Variants in NECAB2 observed in about 807,000 individuals in gnomAD.
The protein encoded by NECAB2 is N-terminal EF-hand calcium binding protein 2.
A neutral mutation model predicts 51.9 loss-of-function variants in NECAB2; 68 were observed. The observed-to-expected ratio is 1.31, with a 90% CI of 1.08 to 1.60. NECAB2 has a LOEUF of 1.60. NECAB2 is among the 40% of genes most tolerant of loss of function. NECAB2 has a pLI of 0.00. For synonymous variants in NECAB2, 329 were observed against 203.5 expected (o/e 1.62, Z -5.25); for missense variants, 854 against 490.3 (o/e 1.74, Z -7.00).
intron 5 of NECAB2, among the ~76,000 whole-genome samples, chr16:83,984,619 T>C (rs1483621056): frequency 6.6e-6 from 1 of 152,022 alleles, no homozygotes; most frequent in Non-Finnish European, 1.5e-5. Context: ...AGTTCCCACC[T>C]TCTTGGGAGG....
intron 3 of NECAB2, among the ~76,000 whole-genome samples, chr16:83,979,531 C>G (rs7191694): frequency 0.29 from 43,332 of 151,918 alleles, 11,058 homozygotes; most frequent in African/African-American, 0.69. Flanking sequence ...GCTTCAGGCT[C>G]CAGACTGCAG....
chr16:83,995,797 C>A (rs979603218), intron 8 of NECAB2, among the ~76,000 whole-genome samples: 2 of 152,218 alleles, frequency 1.3e-5, no homozygotes, highest in Non-Finnish European at 2.9e-5. Context: ...GCTCAAACTT[C>A]CCCTCCTGCA....
chr16:83,985,635 GAAA>G (rs879357467), intron 5 of NECAB2, among the ~76,000 whole-genome samples: 3 of 125,790 alleles, frequency 2.4e-5, no homozygotes, highest in Admixed American at 8.1e-5. Context: ...CTCCATCTCA[GAAA>G]AAAAAAAAAA....
intron 5 of NECAB2, among the ~76,000 whole-genome samples, chr16:83,983,305 G>A (rs766159014): frequency 6.6e-6 from 1 of 152,162 alleles, no homozygotes; most frequent in African/African-American, 2.4e-5. Flanking sequence ...CGTTGTCTCT[G>A]CATTCTAACA....
chr16:83,996,934 G>A (rs868536240), intron 8 of NECAB2, among the ~76,000 whole-genome samples: 7 of 152,224 alleles, frequency 4.6e-5, no homozygotes, highest in Middle Eastern at 3.4e-3. Flanking sequence ...GGGAATCTAA[G>A]GGCTGTTGCT....
At chr16:83,984,956 G>C (rs2084534269) in intron 5 of NECAB2, among the ~76,000 whole-genome samples, 2 of 151,850 alleles carry the variant, frequency 1.3e-5, no homozygotes, top group Non-Finnish European at 2.9e-5. Flanking sequence ...TGTTGTTTTT[G>C]CTGTTCTTTT....
chr16:83,988,464 C>T (rs1470902075), intron 5 of NECAB2, among the ~76,000 whole-genome samples: 1 of 152,052 alleles, frequency 6.6e-6, no homozygotes, highest in Non-Finnish European at 1.5e-5. Flanking sequence ...AGATTTTAGG[C>T]TTTTTTCCCC....
At position 83,998,317 on chromosome 16, in the gene NECAB2, A is replaced by T. The variant is rs139432427; in HGVS notation, c.962A>T (p.His321Leu). 2.6e-4 allele frequency: 422 copies of T among 1,613,256 alleles called. 1 individual carries two copies. The African/African-American group carries it at 5.2e-3, about 20-fold the overall frequency. ...RGTTGVRNCF[H>L]ITAVRLSDGF... ...ACCACTGGCGTGAGGAACTGCTTCC[A>T]GTGAGTGAGCTGCCGAGGCGTGGGT... Residue 321 changes from histidine to leucine, a missense_variant and splice_region_variant, in exon 10 of 13, where the codon CAC becomes CTC. Coordinates refer to ENST00000305202, the MANE Select transcript of NECAB2 (RefSeq NM_019065.3).
At chr16:84,000,135 A>G (rs1317589365) in intron 10 of NECAB2, among the ~76,000 whole-genome samples, 1 of 151,662 alleles carries the variant, frequency 6.6e-6, no homozygotes, top group Non-Finnish European at 1.5e-5. Flanking sequence ...CACGTAATCC[A>G]CCTGCCTCGA....
intron 5 of NECAB2, among the ~76,000 whole-genome samples, chr16:83,989,448 T>G (rs1267667674): frequency 6.6e-6 from 1 of 152,210 alleles, no homozygotes; most frequent in Non-Finnish European, 1.5e-5. Context: ...TATTGCTAAT[T>G]AATTCCCAGT....
At chr16:83,994,058 C>A (rs1041873551) in intron 6 of NECAB2, among the ~76,000 whole-genome samples, 3 of 152,150 alleles carry the variant, frequency 2.0e-5, no homozygotes, top group African/African-American at 7.2e-5. Context: ...AGGCCTAGGC[C>A]GTGGGGTCCT....
chr16:83,990,658 C>G, intron 6 of NECAB2, 28 bp downstream of exon 6: 2 of 1,612,896 alleles, frequency 1.2e-6, no homozygotes, highest in Non-Finnish European at 1.7e-6. Flanking sequence ...TGCAGGGTCC[C>G]ATGGGGGTAT....
At chr16:84,001,174 C>T (rs1360287162) in intron 11 of NECAB2, among the ~76,000 whole-genome samples, 1 of 152,140 alleles carries the variant, frequency 6.6e-6, no homozygotes, top group Non-Finnish European at 1.5e-5. Flanking sequence ...GTTCCAGCGA[C>T]TAACCTCCCC....
At chr16:83,965,700 T>G (rs2084270993), upstream of NECAB2, 1 of 1,613,530 alleles carries the variant, frequency 6.2e-7, no homozygotes, top group African/African-American at 1.3e-5. Context: ...TGCCAGGCCG[T>G]GTTCCAGGAC....
chr16:83,972,676 C>A (rs569715415), intron 2 of NECAB2, among the ~76,000 whole-genome samples: 148 of 152,354 alleles, frequency 9.7e-4, no homozygotes, highest in Middle Eastern at 3.4e-3. Flanking sequence ...GGTTGCCCAG[C>A]TGCATGAAGG....
At position 83,988,623 on chromosome 16, in the gene NECAB2, A is replaced by G. The variant is rs1037336788; in HGVS notation, c.460-1871A>G. Reference sequence around the variant, plus strand: ...TTCCCCATATGAAGAACTCTCTCTAATTCAAGCCCAAGTGACTTAGGACAA... The same window carrying G: ...TTCCCCATATGAAGAACTCTCTCTAGTTCAAGCCCAAGTGACTTAGGACAA... On this transcript the variant is annotated intron_variant, in intron 5 of 12. Coordinates refer to ENST00000305202, the MANE Select transcript of NECAB2 (RefSeq NM_019065.3). 5.3e-5 allele frequency among the ~76,000 whole-genome samples: 8 copies of G among 152,274 alleles called. No homozygotes were observed. In the South Asian group the frequency reaches 1.5e-3, roughly 28 times the overall value.
chr16:83,979,268 C>A lies in NECAB2; in HGVS notation c.335+716C>A, dbSNP rs375167996. 5.3e-5 allele frequency among the ~76,000 whole-genome samples: 8 copies of A among 152,298 alleles called. 1 individual carries two copies. In the East Asian group the frequency reaches 1.4e-3, roughly 26 times the overall value. On this transcript the variant is annotated intron_variant, in intron 3 of 12. Transcript: ENST00000305202. ...CCCCACCTGGTCTCCTTTCTCAGGCCTACTCGCGTGATGAGGACCCAAGCT... is the reference window on the plus strand; with the variant it reads ...CCCCACCTGGTCTCCTTTCTCAGGCATACTCGCGTGATGAGGACCCAAGCT...
intron 6 of NECAB2, among the ~76,000 whole-genome samples, chr16:83,993,020 C>T (rs1369870413): frequency 2.6e-5 from 4 of 152,210 alleles, no homozygotes; most frequent in East Asian, 1.9e-4. Context: ...CACCTGCCCC[C>T]ATGGTGGGGA....
intron 8 of NECAB2, among the ~76,000 whole-genome samples, chr16:83,996,903 T>G (rs972865149): frequency 6.6e-5 from 10 of 152,086 alleles, no homozygotes; most frequent in Admixed American, 6.5e-5. Context: ...GGTTATGATT[T>G]GGGGTGAATT....
Sources: gnomAD v4.1 joint callset for allele counts (sites outside exome capture counted in the v4.1 genomes callset) on GRCh38, gnomAD v4.1.1 for gene constraint, MANE v1.5 for transcripts, NCBI Gene and HGNC (gene_info 2026-07-23, HGNC 2026-07-21) for gene names.